Variants in CCDC192 observed in about 807,000 individuals in gnomAD.
CCDC192 encodes coiled-coil domain containing 192.
At chr5:127,933,639 A>C (rs556508353) in intron 6 of CCDC192, among the ~76,000 whole-genome samples, 7 of 152,130 alleles carry the variant, frequency 4.6e-5, no homozygotes, top group East Asian at 1.9e-4. Context: ...CAGGCCCCTC[A>C]CTCTGGTCTG....
intron 5 of CCDC192, among the ~76,000 whole-genome samples, chr5:127,814,491 G>T (rs1254993308): frequency 6.6e-6 from 1 of 152,144 alleles, no homozygotes; most frequent in Non-Finnish European, 1.5e-5. Flanking sequence ...AGTGATTGTT[G>T]TGGATAAAAG....
intron 5 of CCDC192, among the ~76,000 whole-genome samples, chr5:127,850,094 T>C (rs1158017011): frequency 1.3e-5 from 2 of 152,226 alleles, no homozygotes; most frequent in Non-Finnish European, 2.9e-5. Flanking sequence ...ATTATAGAGC[T>C]TGGGATCAGT....
chr5:127,861,422 A>C (rs1751365734), intron 5 of CCDC192, among the ~76,000 whole-genome samples: 1 of 151,332 alleles, frequency 6.6e-6, no homozygotes, highest in Non-Finnish European at 1.5e-5. Context: ...TTGGAGGCCG[A>C]GGTGGGCAGA....
chr5:127,841,333 G>A (rs1750276060), intron 5 of CCDC192, among the ~76,000 whole-genome samples: 1 of 152,122 alleles, frequency 6.6e-6, no homozygotes, highest in South Asian at 2.1e-4. Flanking sequence ...TTCCCAAAGT[G>A]CATTACTTTC....
intron 2 of CCDC192, among the ~76,000 whole-genome samples, chr5:127,714,004 T>A (rs1346607167): frequency 1.3e-5 from 2 of 152,202 alleles, no homozygotes; most frequent in Non-Finnish European, 2.9e-5. Context: ...CTCCCTAATC[T>A]TCTTCAGCCT....
At chr5:127,762,767 C>T (rs1158067087) in intron 3 of CCDC192, among the ~76,000 whole-genome samples, 1 of 152,158 alleles carries the variant, frequency 6.6e-6, no homozygotes, top group Non-Finnish European at 1.5e-5. Context: ...GAGGAGGTGT[C>T]TTTGTGTATG....
chr5:127,816,600 A>G (rs977633600), intron 5 of CCDC192, among the ~76,000 whole-genome samples: 3 of 152,318 alleles, frequency 2.0e-5, no homozygotes, highest in Admixed American at 6.5e-5. Context: ...GTATAGTTCT[A>G]GCTGGTACCT....
chr5:127,827,970 G>A (rs1337219781), intron 5 of CCDC192, among the ~76,000 whole-genome samples: 4 of 152,158 alleles, frequency 2.6e-5, no homozygotes, highest in African/African-American at 9.6e-5. Context: ...GCAGTGGCGC[G>A]ATCTCTGCTC....
chr5:127,881,698 G>A (rs1396987231), intron 6 of CCDC192, among the ~76,000 whole-genome samples: 3 of 152,168 alleles, frequency 2.0e-5, no homozygotes, highest in African/African-American at 7.2e-5. Flanking sequence ...GAAAAGAAAA[G>A]CCCCTTTATT....
Position 127,744,620 on chromosome 5 carries a change from G to A in CCDC192, c.115-9648G>A, listed in dbSNP as rs186155451. Among the ~76,000 whole-genome samples the A allele has an allele frequency of 2.0e-5, 3 of 152,202 alleles. No individual in the cohort carries two copies. In the East Asian group the frequency reaches 5.8e-4, roughly 29 times the overall value. On this transcript the variant is annotated intron_variant, in intron 2 of 6. Coordinates refer to ENST00000514853, the MANE Select transcript of CCDC192 (RefSeq NM_001317938.2). ...ATCTTGCTCTTAAATAAATGCACAT[G>A]CACATATTTAATACATTAACTGTTC...
chr5:127,885,184 T>C (rs1465351642), intron 6 of CCDC192, among the ~76,000 whole-genome samples: 2 of 152,092 alleles, frequency 1.3e-5, no homozygotes, highest in East Asian at 1.9e-4. Context: ...ACCAGCTAAA[T>C]GTCAGACAAA....
chr5:127,876,246 A>G (rs894643838), intron 6 of CCDC192, among the ~76,000 whole-genome samples: 12 of 85,246 alleles, frequency 1.4e-4, no homozygotes, highest in Non-Finnish European at 1.9e-4. Context: ...CAAACAAGCA[A>G]ACAACAAACA....
At chr5:127,844,529 C>A (rs569525912) in intron 5 of CCDC192, among the ~76,000 whole-genome samples, 2 of 152,278 alleles carry the variant, frequency 1.3e-5, no homozygotes, top group African/African-American at 4.8e-5. Flanking sequence ...TATGCTCACC[C>A]CTGCCTTGTG....
At chr5:127,880,509 GAGTTAGT>G (rs949504051) in intron 6 of CCDC192, among the ~76,000 whole-genome samples, 13 of 149,704 alleles carry the variant, frequency 8.7e-5, no homozygotes, top group Admixed American at 8.0e-4. Context: ...GCTAGATGAC[GAGTTAGT>G]GGGTGCAGCG....
intron 5 of CCDC192, among the ~76,000 whole-genome samples, chr5:127,817,056 A>G (rs1749057730): frequency 6.6e-6 from 1 of 152,118 alleles, no homozygotes; most frequent in Non-Finnish European, 1.5e-5. Flanking sequence ...TATTGTTAAC[A>G]TTTTTCTTAT....
intron 3 of CCDC192, chr5:127,786,294 C>T: frequency 6.4e-6 from 4 of 628,272 alleles, no homozygotes; most frequent in Non-Finnish European, 1.2e-5. Flanking sequence ...GGTTCTGCTG[C>T]AAGAATTCAG....
chr5:127,749,369 A>C (rs1314279044), intron 2 of CCDC192, among the ~76,000 whole-genome samples: 1 of 152,152 alleles, frequency 6.6e-6, no homozygotes, highest in Non-Finnish European at 1.5e-5. Context: ...TATTGAGATA[A>C]TCATGTGGTT....
chr5:127,863,305 T>C (rs1015448563), intron 5 of CCDC192, among the ~76,000 whole-genome samples: 9 of 152,330 alleles, frequency 5.9e-5, no homozygotes, highest in Non-Finnish European at 8.8e-5. Context: ...ATACATACCA[T>C]GGAATAGTAT....
chr5:127,910,841 C>T (rs1753326009), intron 6 of CCDC192, among the ~76,000 whole-genome samples: 1 of 152,098 alleles, frequency 6.6e-6, no homozygotes, highest in Non-Finnish European at 1.5e-5. Flanking sequence ...AAGTGGCAGA[C>T]TGTGAGAGAG....
Sources: allele counts gnomAD v4.1 joint callset (sites outside exome capture counted in the v4.1 genomes callset), GRCh38; gene constraint gnomAD v4.1.1; transcripts MANE v1.5; gene names NCBI Gene and HGNC (gene_info 2026-07-23, HGNC 2026-07-21).